CADM2: variants seen among roughly 807,000 people sequenced by gnomAD.
CADM2 encodes cell adhesion molecule 2, also known as immunoglobulin superfamily member 4D.
Under a neutral mutation model 49.8 loss-of-function variants are expected in CADM2, and 12 were observed. That is an observed-to-expected ratio of 0.24 (90% CI 0.15 to 0.39). The LOEUF is 0.39. Ranked by LOEUF, CADM2 falls within the 10% of genes least tolerant of loss-of-function variation. The pLI is 1.00. For missense variants in CADM2, 378 were observed against 492.3 expected, an observed-to-expected ratio of 0.77 and a Z score of 2.20; for synonymous variants, 214 against 175.4, an observed-to-expected ratio of 1.22 and a Z score of -1.74.
At chr3:85,946,724 G>A (rs1230837628) in intron 7 of CADM2, among the ~76,000 whole-genome samples, 1 of 152,106 alleles carries the variant, frequency 6.6e-6, no homozygotes, top group Non-Finnish European at 1.5e-5. Flanking sequence ...AAATAGTGCT[G>A]GGAAAACTGG....
chr3:85,564,835 A>T (rs2062207145), intron 1 of CADM2, among the ~76,000 whole-genome samples: 1 of 152,086 alleles, frequency 6.6e-6, no homozygotes, highest in Non-Finnish European at 1.5e-5. Flanking sequence ...GCTAAGAAAT[A>T]ACTCATCTTC....
At chr3:85,055,437 C>A (rs2036043983) in intron 1 of CADM2, among the ~76,000 whole-genome samples, 1 of 152,006 alleles carries the variant, frequency 6.6e-6, no homozygotes, top group Admixed American at 6.6e-5. Context: ...TTCCCTCCAT[C>A]ATCATCCACA....
intron 1 of CADM2, among the ~76,000 whole-genome samples, chr3:85,319,236 T>C (rs2044541913): frequency 6.6e-6 from 1 of 152,140 alleles, no homozygotes; most frequent in Non-Finnish European, 1.5e-5. Context: ...TTAATCAAAG[T>C]CACAATGAAA....
chr3:85,912,103 C>A (rs9872154), intron 5 of CADM2, among the ~76,000 whole-genome samples: 5,816 of 151,936 alleles, frequency 0.038, 370 homozygotes, highest in African/African-American at 0.13. Context: ...GTCACCACAT[C>A]CGGCTAATTT....
At chr3:85,785,785 A>G (rs866864422) in intron 2 of CADM2, among the ~76,000 whole-genome samples, 1 of 152,100 alleles carries the variant, frequency 6.6e-6, no homozygotes, top group Non-Finnish European at 1.5e-5. Context: ...GACACCGGCT[A>G]TTCGAAATTC....
chr3:86,046,599 A>C (rs1235558732), intron 8 of CADM2, among the ~76,000 whole-genome samples: 1 of 152,100 alleles, frequency 6.6e-6, no homozygotes, highest in Non-Finnish European at 1.5e-5. Context: ...GCAGCACCGC[A>C]CAGTAAAAAA....
chr3:85,479,466 T>C (rs1215320812), intron 1 of CADM2, among the ~76,000 whole-genome samples: 1 of 151,870 alleles, frequency 6.6e-6, no homozygotes, highest in Non-Finnish European at 1.5e-5. Flanking sequence ...TTTCTGATTG[T>C]TAAGATTAGA....
chr3:85,882,878 T>G (rs1457806857), intron 3 of CADM2, among the ~76,000 whole-genome samples: 1 of 152,198 alleles, frequency 6.6e-6, no homozygotes, highest in Non-Finnish European at 1.5e-5. Flanking sequence ...ATTTTTGTTG[T>G]TGCCTTGGAA....
chr3:85,118,455 G>A (rs1403322990), intron 1 of CADM2, among the ~76,000 whole-genome samples: 1 of 152,156 alleles, frequency 6.6e-6, no homozygotes, highest in Non-Finnish European at 1.5e-5. Context: ...AATTATGACA[G>A]AAAGCAAAAG....
At chr3:85,243,666 A>G (rs1260858062) in intron 1 of CADM2, among the ~76,000 whole-genome samples, 2 of 152,054 alleles carry the variant, frequency 1.3e-5, no homozygotes, top group African/African-American at 4.8e-5. Flanking sequence ...GTTCAGCCAT[A>G]ACTAATGTCC....
At chr3:85,922,198 C>A (rs2108505978) in intron 6 of CADM2, among the ~76,000 whole-genome samples, 1 of 151,586 alleles carries the variant, frequency 6.6e-6, no homozygotes, top group African/African-American at 2.4e-5. Context: ...CTCTTTCCTT[C>A]TCCTTCTTCC....
chr3:85,158,634 T>C (rs574340745), intron 1 of CADM2, among the ~76,000 whole-genome samples: 1 of 152,028 alleles, frequency 6.6e-6, no homozygotes, highest in Non-Finnish European at 1.5e-5. Context: ...AGGTGGGAAT[T>C]GAACAATGAG....
At chr3:85,232,417 G>T (rs747133673) in intron 1 of CADM2, among the ~76,000 whole-genome samples, 5 of 151,708 alleles carry the variant, frequency 3.3e-5, no homozygotes, top group Non-Finnish European at 7.4e-5. Context: ...TTTGTTCCTG[G>T]CTAATCAGAT....
intron 3 of CADM2, among the ~76,000 whole-genome samples, chr3:85,869,390 G>A (rs891797836): frequency 1.3e-5 from 2 of 152,030 alleles, no homozygotes; most frequent in African/African-American, 4.8e-5. Flanking sequence ...CAGATACGAT[G>A]TGTGATGACA....
chr3:86,072,272 C>T lies in CADM2; in HGVS notation c.*5489C>T, dbSNP rs1703325013. On this transcript the variant is annotated 3_prime_UTR_variant, in exon 10 of 10. Coordinates refer to ENST00000383699, the MANE Select transcript of CADM2 (RefSeq NM_001167675.2). ...ATCAATAATATTTGGTTGATCTTCA[C>T]ATATTTTATATGCATATATATATCA... 6.6e-6 allele frequency: 1 copy of T among 151,328 alleles called. No homozygotes were observed. Among genetic ancestry groups the T allele is most frequent in the South Asian group, 2.1e-4 (1 of 4,814 alleles). 9.4% of individuals were successfully genotyped at this position (151,328 alleles called of 1,614,324 possible). A position where few individuals can be genotyped will look rare whatever the true frequency, so the allele number is the denominator to read the frequency against.
chr3:85,039,256 C>T (rs2035343940), intron 1 of CADM2, among the ~76,000 whole-genome samples: 2 of 152,156 alleles, frequency 1.3e-5, no homozygotes, highest in Non-Finnish European at 2.9e-5. Context: ...CCACCTCGGC[C>T]TCCCAAAGTG....
At chr3:85,443,778 T>G (rs2037316288) in intron 1 of CADM2, among the ~76,000 whole-genome samples, 1 of 152,086 alleles carries the variant, frequency 6.6e-6, no homozygotes, top group African/African-American at 2.4e-5. Context: ...CTGGATCTCT[T>G]TTTCCCTTGT....
At chr3:85,774,866 G>A (rs931094006) in intron 2 of CADM2, among the ~76,000 whole-genome samples, 3 of 151,648 alleles carry the variant, frequency 2.0e-5, no homozygotes, top group African/African-American at 7.3e-5. Context: ...TTTCAACACC[G>A]ATAGAACCAC....
rs199663187 is a variant in CADM2 at position 85,398,007 on chromosome 3, CT to C, written c.62-328505del. The stretch of plus-strand genomic sequence containing the variant: ...GACATCCAGAAGCCTTTTTCTTTTT[CT>C]TTTTTTTTTAATTATACTTTAAGTT... On this transcript the variant is annotated intron_variant, in intron 1 of 9. Coordinates refer to ENST00000383699, the MANE Select transcript of CADM2 (RefSeq NM_001167675.2). 1.1e-4 allele frequency among the ~76,000 whole-genome samples: 16 copies of C among 148,556 alleles called. No individual in the cohort carries two copies. The East Asian group carries it at 1.6e-3, about 15-fold the overall frequency.
Sources: allele counts gnomAD v4.1 joint callset (sites outside exome capture counted in the v4.1 genomes callset), GRCh38; gene constraint gnomAD v4.1.1; transcripts MANE v1.5; gene names NCBI Gene and HGNC (gene_info 2026-07-23, HGNC 2026-07-21).